Variants in RBFOX1 observed in about 807,000 individuals in gnomAD.
RBFOX1 encodes the protein RNA binding protein fox-1 homolog 1.
RBFOX1 carries 8 observed loss-of-function variants against 57.7 expected under a neutral mutation model. The observed-to-expected ratio is 0.14, with a 90% CI of 0.08 to 0.25. RBFOX1 has a LOEUF of 0.25. Ranked by LOEUF, RBFOX1 falls within the 10% of genes least tolerant of loss-of-function variation. The pLI is 1.00. For missense variants in RBFOX1, 611 were observed against 548.5 expected, an observed-to-expected ratio of 1.11 and a Z score of -1.14; for synonymous variants, 326 against 222.4, an observed-to-expected ratio of 1.47 and a Z score of -4.15.
chr16:6,399,946 C>T (rs374115195), intron 2 of RBFOX1, among the ~76,000 whole-genome samples: 2 of 152,122 alleles, frequency 1.3e-5, no homozygotes, highest in African/African-American at 4.8e-5. Flanking sequence ...CCCACTATCA[C>T]GAGTACAGCA....
At chr16:5,899,048 A>T (rs934050651) in intron 4 of RBFOX1, among the ~76,000 whole-genome samples, 17 of 151,102 alleles carry the variant, frequency 1.1e-4, no homozygotes, top group African/African-American at 3.2e-4. Flanking sequence ...TTAGTTTCAG[A>T]GATACCTGCC....
chr16:7,287,795 T>G (rs1305443436), intron 4 of RBFOX1, among the ~76,000 whole-genome samples: 2 of 152,222 alleles, frequency 1.3e-5, no homozygotes, highest in East Asian at 3.9e-4. Flanking sequence ...AATTAGTTTA[T>G]GATAGATTTT....
chr16:6,568,134 C>A (rs533000195), intron 2 of RBFOX1, among the ~76,000 whole-genome samples: 1 of 152,168 alleles, frequency 6.6e-6, no homozygotes, highest in African/African-American at 2.4e-5. Context: ...TACCATGTAA[C>A]AAATTACTCC....
intron 2 of RBFOX1, among the ~76,000 whole-genome samples, chr16:6,369,237 T>C (rs1167500150): frequency 4.6e-5 from 7 of 152,226 alleles, no homozygotes; most frequent in African/African-American, 1.7e-4. Flanking sequence ...TATCTCATTT[T>C]AATTTTTTAT....
At chr16:6,131,733 T>G (rs2096631146) in intron 1 of RBFOX1, among the ~76,000 whole-genome samples, 2 of 152,194 alleles carry the variant, frequency 1.3e-5, no homozygotes, top group African/African-American at 4.8e-5. Context: ...TCCTCCCCAC[T>G]GGCCTTCCTT....
chr16:6,019,972 C>T lies in RBFOX1; in HGVS notation c.-147C>T. Reference sequence around the variant, plus strand: ...CTGGGGCCGAGAACGTGACCGCAGCCGGGCTCGCCGGGAGTTCTAGGTAAG... The same window carrying T: ...CTGGGGCCGAGAACGTGACCGCAGCTGGGCTCGCCGGGAGTTCTAGGTAAG... On this transcript the variant is annotated 5_prime_UTR_variant, in exon 1 of 16. Transcript: ENST00000550418. The surrounding 1 kb of genome is among the most constrained non-coding windows in gnomAD (Gnocchi z 4.2). 2 of 1,530,296 alleles carry T rather than the reference C, an allele frequency of 1.3e-6. No individual in the cohort carries two copies. The highest frequency in any genetic ancestry group is 2.5e-5 in the East Asian group (1 of 40,664). The allele number at this position is 1,530,296 out of a possible 1,614,324, so 94.8% of individuals were successfully genotyped here.
At chr16:6,888,469 T>C (rs2064657125) in intron 3 of RBFOX1, among the ~76,000 whole-genome samples, 1 of 152,196 alleles carries the variant, frequency 6.6e-6, no homozygotes, top group Admixed American at 6.5e-5. Context: ...GGGTTTCATT[T>C]TCGGTTCAGG....
At chr16:6,973,931 C>G (rs1410782398) in intron 3 of RBFOX1, among the ~76,000 whole-genome samples, 2 of 152,158 alleles carry the variant, frequency 1.3e-5, no homozygotes, top group East Asian at 3.9e-4. Context: ...TGCTCGTCCC[C>G]TCCATCTCCC....
intron 4 of RBFOX1, among the ~76,000 whole-genome samples, chr16:7,256,938 CAG>C (rs2094711521): frequency 1.3e-5 from 2 of 152,134 alleles, no homozygotes; most frequent in Non-Finnish European, 2.9e-5. Context: ...ACATGGGAAA[CAG>C]CCTTTCTGTT....
At chr16:5,355,667 G>C (rs1228561410) in intron 1 of RBFOX1, among the ~76,000 whole-genome samples, 5 of 152,174 alleles carry the variant, frequency 3.3e-5, no homozygotes. Context: ...ATAGGTCCAA[G>C]TCCTAACCCC....
At chr16:6,439,422 T>C (rs545257742) in intron 2 of RBFOX1, among the ~76,000 whole-genome samples, 28 of 152,306 alleles carry the variant, frequency 1.8e-4, no homozygotes, top group African/African-American at 6.7e-4. Context: ...CCCCGGGCTG[T>C]GCCTTAGCTC....
chr16:5,528,752 C>T (rs902569947), intron 2 of RBFOX1, among the ~76,000 whole-genome samples: 2 of 151,726 alleles, frequency 1.3e-5, no homozygotes, highest in African/African-American at 2.4e-5. Flanking sequence ...CAGGTTCAAG[C>T]GATTCTCCTG....
intron 4 of RBFOX1, among the ~76,000 whole-genome samples, chr16:7,102,485 A>G (rs955396914): frequency 2.0e-5 from 3 of 152,208 alleles, no homozygotes; most frequent in South Asian, 2.1e-4. Flanking sequence ...CATGAGATTT[A>G]ATAGAGACCA....
At chr16:6,293,119 A>G (rs1002556120) in intron 1 of RBFOX1, among the ~76,000 whole-genome samples, 1 of 152,148 alleles carries the variant, frequency 6.6e-6, no homozygotes, top group African/African-American at 2.4e-5. Context: ...TATATTCACT[A>G]TGTGCTTTAC....
At chr16:6,931,239 TG>T (rs2076455593) in intron 3 of RBFOX1, among the ~76,000 whole-genome samples, 1 of 151,638 alleles carries the variant, frequency 6.6e-6, no homozygotes, top group Non-Finnish European at 1.5e-5. Context: ...ATTAAGGGGT[TG>T]TTTGCTCTTT....
At chr16:5,416,489 C>A (rs887218826) in intron 1 of RBFOX1, among the ~76,000 whole-genome samples, 1 of 152,046 alleles carries the variant, frequency 6.6e-6, no homozygotes, top group Admixed American at 6.6e-5. Flanking sequence ...CAAGCTTTTT[C>A]CATACTGGGC....
chr16:6,552,196 G>C (rs1666468125), intron 2 of RBFOX1, among the ~76,000 whole-genome samples: 1 of 152,128 alleles, frequency 6.6e-6, no homozygotes, highest in African/African-American at 2.4e-5. Flanking sequence ...ACATACCTTT[G>C]AAAGTCCTCA....
chr16:6,865,903 T>C (rs1210598454), intron 3 of RBFOX1, among the ~76,000 whole-genome samples: 1 of 152,164 alleles, frequency 6.6e-6, no homozygotes, highest in Non-Finnish European at 1.5e-5. Context: ...TAACTTAGTG[T>C]TGAAACATTA....
At chr16:6,557,893 T>G (rs995947914) in intron 2 of RBFOX1, among the ~76,000 whole-genome samples, 5 of 152,198 alleles carry the variant, frequency 3.3e-5, no homozygotes, top group Non-Finnish European at 1.5e-5. Flanking sequence ...TGTTAAGTAC[T>G]TCCCCAATGC....
Sources: allele counts gnomAD v4.1 joint callset (sites outside exome capture counted in the v4.1 genomes callset), GRCh38; gene constraint gnomAD v4.1.1; non-coding constraint Gnocchi (gnomAD v3.1); transcripts MANE v1.5; gene names NCBI Gene and HGNC (gene_info 2026-07-23, HGNC 2026-07-21).